Variants in ZRSR2 observed in about 807,000 individuals in gnomAD.
ZRSR2 encodes zinc finger CCCH-type, RNA binding motif and serine/arginine rich 2, also known as U2 small nuclear ribonucleoprotein auxiliary factor 35 kDa subunit-related protein 2.
ZRSR2 carries 3 observed loss-of-function variants against 39.4 expected under a neutral mutation model. The observed-to-expected ratio is 0.08, with a 90% CI of 0.03 to 0.20. ZRSR2 has a LOEUF of 0.20. Among genes scored for constraint, ZRSR2 ranks in the 10% least tolerant of loss-of-function variants. The probability of loss-of-function intolerance (pLI) is 1.00; values close to 1 mark genes in which losing one functional copy is unlikely to be tolerated. For synonymous variants in ZRSR2, 137 were observed against 136.0 expected (o/e 1.01, Z -0.05); for missense variants, 256 against 391.5 (o/e 0.65, Z 2.92).
At chrX:15,813,359 G>A (rs906971330) in intron 7 of ZRSR2, among the ~76,000 whole-genome samples, 2 of 112,163 alleles carry the variant, frequency 1.8e-5, no homozygotes, top group African/African-American at 6.5e-5. Context: ...ACCCCTTGAG[G>A]TCTGATCAGA....
At chrX:15,812,055 G>A (rs905973513) in intron 7 of ZRSR2, among the ~76,000 whole-genome samples, 2 of 110,692 alleles carry the variant, frequency 1.8e-5, no homozygotes, top group African/African-American at 6.6e-5. Context: ...TCAGCCTCCC[G>A]AGTAGCTGGG....
At chrX:15,801,542 A>G (rs1932673238) in intron 3 of ZRSR2, 1 of 176,373 alleles carries the variant, frequency 5.7e-6, no homozygotes, top group Non-Finnish European at 1.1e-5. Context: ...AAATTTCTTA[A>G]TGTCTCTAAG....
intron 7 of ZRSR2, among the ~76,000 whole-genome samples, chrX:15,811,373 T>C (rs1023508685): frequency 9.0e-6 from 1 of 111,220 alleles, no homozygotes; most frequent in African/African-American, 3.3e-5. Flanking sequence ...GATCTATCTC[T>C]AACATTTCCT....
intron 6 of ZRSR2, among the ~76,000 whole-genome samples, chrX:15,808,710 C>G (rs192046778): frequency 1.9e-5 from 2 of 107,291 alleles, no homozygotes; most frequent in Admixed American, 2.0e-4. Context: ...CAACCTCCGC[C>G]TCCCGGGTTC....
intron 4 of ZRSR2, 133 bp from the exon 5 acceptor site, chrX:15,803,978 A>G: frequency 1.0e-6 from 1 of 993,196 alleles, no homozygotes; most frequent in East Asian, 3.4e-5. Flanking sequence ...CCTATCTTGA[A>G]CTTAAAAAAA....
rs139375995 is a variant in ZRSR2, at chrX:15,795,735, G to C, written c.122-4137G>C. Among the ~76,000 whole-genome samples the C allele has an allele frequency of 2.6e-3, 292 of 111,640 alleles. 3 individuals carry two copies. The highest frequency in any genetic ancestry group is 9.2e-3 in the African/African-American group (283 of 30,681). On this transcript the variant is annotated intron_variant, in intron 2 of 10. Coordinates refer to ENST00000307771, the MANE Select transcript of ZRSR2 (RefSeq NM_005089.4). ...TTTCATGAAACAGTAGAGTTAGCCT[G>C]TCTCTTTTTGTTTTCAATCCTGCTG...
Position 15,790,951 on chromosome X carries a change from C to T in ZRSR2, c.59C>T (p.Ala20Val), listed in dbSNP as rs1384197720. The T allele has an allele frequency of 4.1e-6, 5 of 1,210,857 alleles. No homozygotes were observed. Among genetic ancestry groups the T allele is most frequent in the South Asian group, 1.8e-5 (1 of 56,941 alleles). Residue 20 changes from alanine (A) to valine (V), a missense_variant, in exon 2 of 11, where the codon GCC becomes GTC. Physicochemically the swap from Ala to Val is moderately conservative, Grantham distance 64. Coordinates refer to ENST00000307771, the MANE Select transcript of ZRSR2 (RefSeq NM_005089.4). ...PEKPSHKKYR[A>V]ALKKEKRKKR... The stretch of plus-strand genomic sequence containing the variant: ...TCTTCCAGCCACAAAAAGTACAGGG[C>T]CGCCCTGAAGAAGGAGAAACGAAAG...
chrX:15,807,435 A>G (rs1159049607), intron 5 of ZRSR2, among the ~76,000 whole-genome samples: 1 of 108,731 alleles, frequency 9.2e-6, no homozygotes, highest in East Asian at 2.9e-4. Context: ...GATTACAGGC[A>G]CGTGCCACCA....
intron 2 of ZRSR2, among the ~76,000 whole-genome samples, chrX:15,792,417 G>T (rs1234872756): frequency 1.8e-5 from 2 of 111,945 alleles, no homozygotes; most frequent in African/African-American, 6.5e-5. Flanking sequence ...GTGAGATTCT[G>T]TCTCAAAAAA....
intron 10 of ZRSR2, 24 bp from the exon 11 acceptor site, chrX:15,822,707 T>C (rs1239864171): frequency 8.3e-7 from 1 of 1,212,068 alleles, no homozygotes; most frequent in Non-Finnish European, 1.1e-6. Flanking sequence ...TGATAAGTGC[T>C]GTTTCATCAC....
intron 5 of ZRSR2, among the ~76,000 whole-genome samples, chrX:15,804,879 A>T (rs943173204): frequency 1.0e-4 from 3 of 29,446 alleles, no homozygotes; most frequent in Non-Finnish European, 1.8e-4. Flanking sequence ...TGCTTATTTA[A>T]AAAAAAAAAA....
At chrX:15,808,914 C>G (rs1310833987) in intron 6 of ZRSR2, among the ~76,000 whole-genome samples, 1 of 111,246 alleles carries the variant, frequency 9.0e-6, no homozygotes, top group Admixed American at 9.6e-5. Context: ...AGCCACTGCA[C>G]CCGGCCTTCT....
chrX:15,818,811 C>T (rs1161622895), intron 9 of ZRSR2, among the ~76,000 whole-genome samples, 169 bp downstream of exon 9: 1 of 110,106 alleles, frequency 9.1e-6, no homozygotes, highest in Non-Finnish European at 1.9e-5. Flanking sequence ...GCTCTTGTTG[C>T]CCAGGCTAGA....
chrX:15,805,929 CAAAAA>C (rs34575364), intron 5 of ZRSR2, among the ~76,000 whole-genome samples: 2 of 66,412 alleles, frequency 3.0e-5, no homozygotes. Flanking sequence ...GACTTCGTCT[CAAAAA>C]AAAAAAAAAA....
Position 15,823,147 on chromosome X carries a change from C to G in ZRSR2, c.1354C>G (p.Arg452Gly). 1 of 1,205,298 alleles carries G rather than the reference C, an allele frequency of 8.3e-7. No individual in the cohort carries two copies. Among genetic ancestry groups the G allele is most frequent in the Non-Finnish European group, 1.1e-6 (1 of 892,710 alleles). Residue 452 changes from arginine (R) to glycine (G), a missense_variant, in exon 11 of 11, where the codon CGC becomes GGC. Arg to Gly is a moderately radical substitution (Grantham distance 125). Coordinates refer to ENST00000307771, the MANE Select transcript of ZRSR2 (RefSeq NM_005089.4). ...RSRSRSRRSR[R>G]SRSQSSSRSR... Reference sequence around the variant, plus strand: ...CCGGAGCCGGAGCCGCAGGAGCCGCCGCAGCCGGAGCCAAAGTTCCTCTAG... The same window carrying G: ...CCGGAGCCGGAGCCGCAGGAGCCGCGGCAGCCGGAGCCAAAGTTCCTCTAG...
intron 5 of ZRSR2, among the ~76,000 whole-genome samples, chrX:15,807,904 G>C (rs760508155): frequency 6.4e-5 from 7 of 109,679 alleles, no homozygotes; most frequent in African/African-American, 2.3e-4. Context: ...TCCAGGCGTG[G>C]TGGTGTGCGC....
intron 4 of ZRSR2, 111 bp from the exon 5 acceptor site, chrX:15,804,000 A>T (rs964610731): frequency 9.8e-7 from 1 of 1,023,125 alleles, no homozygotes; most frequent in African/African-American, 1.9e-5. Context: ...AAAACAAAAA[A>T]CTGATCTTAT....
At position 15,818,645 on chromosome X, in the gene ZRSR2, A is replaced by G. The variant is rs895263343; in HGVS notation, c.827+3A>G. ...AATGTATATGTTCAGTACCAGTCGT[A>G]AGTATTCTGCTTGTGGATGTCTTCC... On this transcript the variant is annotated splice_donor_region_variant and intron_variant, in intron 9 of 10. Coordinates refer to ENST00000307771, the MANE Select transcript of ZRSR2 (RefSeq NM_005089.4). The G allele has an allele frequency of 3.4e-6, 4 of 1,189,699 alleles. No individual in the cohort carries two copies. The Admixed American group carries it at 6.8e-5, about 20-fold the overall frequency.
rs1170405962 is a variant in ZRSR2 at position 15,822,618 on chromosome X, T to A, written c.938-113T>A. Reference sequence around the variant, plus strand: ...TAAGCCCCTTTTACATAATACACAGTAGAAAATAGTTCTAGCATATCCAAA... The same window carrying A: ...TAAGCCCCTTTTACATAATACACAGAAGAAAATAGTTCTAGCATATCCAAA... On this transcript the variant is annotated intron_variant, in intron 10 of 10. Transcript: ENST00000307771. 3 of 1,153,452 alleles carry A rather than the reference T, an allele frequency of 2.6e-6. No individual in the cohort carries two copies. The African/African-American group carries it at 5.4e-5, about 21-fold the overall frequency.
Sources: gnomAD v4.1 joint callset for allele counts (sites outside exome capture counted in the v4.1 genomes callset) on GRCh38, gnomAD v4.1.1 for gene constraint, MANE v1.5 for transcripts, NCBI Gene and HGNC (gene_info 2026-07-23, HGNC 2026-07-21) for gene names.